Variants in DLG2 observed in about 807,000 individuals in gnomAD.
DLG2 encodes disks large homolog 2.
A neutral mutation model predicts 132.5 loss-of-function variants in DLG2; 45 were observed. That is an observed-to-expected ratio of 0.34 (90% CI 0.27 to 0.44). DLG2 has a LOEUF of 0.44. Ranked by LOEUF, DLG2 falls within the 20% of genes least tolerant of loss-of-function variation. The pLI is 1.00. For missense variants in DLG2, 1,045 were observed against 1,196.9 expected (o/e 0.87, Z 1.87); for synonymous variants, 424 against 419.6 (o/e 1.01, Z -0.13).
Position 83,914,613 on chromosome 11 carries a change from A to T in DLG2, c.1496+15715T>A, listed in dbSNP as rs186494095. ...TTATCCTATGAGATGGATACTTTTT[A>T]AAAAATTCTCATTTTATGGATAAGG... On this transcript the variant is annotated intron_variant, in intron 15 of 27. Coordinates refer to ENST00000376104, the MANE Select transcript of DLG2 (RefSeq NM_001142699.3). Among the ~76,000 whole-genome samples, 113 of 152,294 alleles carry T rather than the reference A, an allele frequency of 7.4e-4. 1 individual carries two copies. Among genetic ancestry groups the T allele is most frequent in the East Asian group, 6.4e-3 (33 of 5,172 alleles).
At chr11:83,915,191 T>A (rs914628694) in intron 15 of DLG2, among the ~76,000 whole-genome samples, 2 of 152,096 alleles carry the variant, frequency 1.3e-5, no homozygotes, top group Non-Finnish European at 2.9e-5. Context: ...AAACAAAGAA[T>A]CTTGGCAACC....
chr11:85,133,335 CT>C (rs2152415320), intron 5 of DLG2, among the ~76,000 whole-genome samples: 1 of 152,246 alleles, frequency 6.6e-6, no homozygotes, highest in South Asian at 2.1e-4. Context: ...AGAATAGCGG[CT>C]TTGGATAATA....
intron 19 of DLG2, among the ~76,000 whole-genome samples, chr11:83,583,675 GTTC>G (rs1184239397): frequency 8.5e-5 from 13 of 152,190 alleles, no homozygotes; most frequent in Non-Finnish European, 1.6e-4. Context: ...ACAAGCCTCA[GTTC>G]TTCTTCTGGA....
chr11:84,888,377 C>T (rs1316271271), intron 6 of DLG2, among the ~76,000 whole-genome samples: 2 of 152,082 alleles, frequency 1.3e-5, no homozygotes, highest in African/African-American at 2.4e-5. Context: ...CTATCTTTTC[C>T]TGCCCTCAGA....
At chr11:84,346,405 T>A (rs1279529647) in intron 7 of DLG2, among the ~76,000 whole-genome samples, 1 of 152,220 alleles carries the variant, frequency 6.6e-6, no homozygotes, top group Non-Finnish European at 1.5e-5. Context: ...TCAGTACATG[T>A]TTATGAAAGT....
chr11:84,094,490 T>A (rs561846746), intron 10 of DLG2, among the ~76,000 whole-genome samples: 3 of 152,330 alleles, frequency 2.0e-5, no homozygotes, highest in East Asian at 3.9e-4. Context: ...GTCAAAAATA[T>A]AATTTATGTC....
chr11:83,542,194 C>A (rs545202442), intron 19 of DLG2, among the ~76,000 whole-genome samples: 1 of 152,004 alleles, frequency 6.6e-6, no homozygotes, highest in African/African-American at 2.4e-5. Flanking sequence ...CCTCCCATTA[C>A]AATCAAATTT....
intron 3 of DLG2, among the ~76,000 whole-genome samples, chr11:85,502,339 C>G (rs1025686850): frequency 6.6e-6 from 1 of 151,672 alleles, no homozygotes; most frequent in Non-Finnish European, 1.5e-5. Flanking sequence ...ATGGGTGCAG[C>G]AAACCACCAC....
At chr11:84,374,738 A>C (rs1445875985) in intron 7 of DLG2, among the ~76,000 whole-genome samples, 1 of 152,076 alleles carries the variant, frequency 6.6e-6, no homozygotes, top group East Asian at 1.9e-4. Flanking sequence ...TTTCCCCCTC[A>C]AACTAAGTAA....
chr11:84,487,390 T>C (rs1206192874), intron 7 of DLG2, among the ~76,000 whole-genome samples: 1 of 152,140 alleles, frequency 6.6e-6, no homozygotes, highest in African/African-American at 2.4e-5. Flanking sequence ...AGAATTAATA[T>C]TTATTGGCAT....
chr11:84,230,176 A>G (rs548252263), intron 8 of DLG2, among the ~76,000 whole-genome samples: 5 of 152,224 alleles, frequency 3.3e-5, no homozygotes, highest in Admixed American at 6.5e-5. Flanking sequence ...AAACTTCTTC[A>G]TCTACCTTTT....
At chr11:85,267,024 C>A (rs910111058) in intron 4 of DLG2, among the ~76,000 whole-genome samples, 8 of 152,156 alleles carry the variant, frequency 5.3e-5, no homozygotes, top group African/African-American at 1.9e-4. Context: ...TTGCATCCAT[C>A]TCTACTTTAG....
chr11:85,546,818 CTTTTTTT>C (rs34822004), intron 3 of DLG2, among the ~76,000 whole-genome samples: 3 of 68,972 alleles, frequency 4.3e-5, no homozygotes, highest in Admixed American at 1.8e-4. Context: ...ATAACCCCTG[CTTTTTTT>C]TTTTTTTTTT....
intron 8 of DLG2, among the ~76,000 whole-genome samples, chr11:84,180,494 T>C (rs1306941212): frequency 6.6e-6 from 1 of 151,922 alleles, no homozygotes; most frequent in Non-Finnish European, 1.5e-5. Context: ...TTCACCCAAA[T>C]TAATGTCAGA....
chr11:84,927,819 A>T lies in DLG2; in HGVS notation c.357+183842T>A, dbSNP rs962709861. The stretch of plus-strand genomic sequence containing the variant: ...TTTCTCTAAAGTCTAGAGCAGTGGT[A>T]CTCAAAGTGCAGTCTTTGGGCTAGG... On this transcript the variant is annotated intron_variant, in intron 6 of 27. Transcript: ENST00000376104. 2.2e-4 allele frequency among the ~76,000 whole-genome samples: 33 copies of T among 152,114 alleles called. 1 individual carries two copies. Among genetic ancestry groups the T allele is most frequent in the Non-Finnish European group, 5.9e-5 (4 of 67,890 alleles).
chr11:84,491,898 T>C (rs987649287), intron 7 of DLG2, among the ~76,000 whole-genome samples: 2 of 152,162 alleles, frequency 1.3e-5, no homozygotes, highest in Non-Finnish European at 2.9e-5. Flanking sequence ...TTTCCCAAGA[T>C]CCACATTCAC....
chr11:85,032,205 C>T (rs1310244323), intron 6 of DLG2, among the ~76,000 whole-genome samples: 1 of 151,998 alleles, frequency 6.6e-6, no homozygotes, highest in Non-Finnish European at 1.5e-5. Flanking sequence ...ATTATTGTCC[C>T]AACAATAATC....
intron 6 of DLG2, among the ~76,000 whole-genome samples, chr11:84,957,204 T>G (rs2051812510): frequency 6.6e-6 from 1 of 152,146 alleles, no homozygotes; most frequent in African/African-American, 2.4e-5. Context: ...AACCTAGACT[T>G]GCTGGCTCCA....
intron 7 of DLG2, among the ~76,000 whole-genome samples, chr11:84,290,702 T>C (rs1245331854): frequency 1.3e-5 from 2 of 152,108 alleles, no homozygotes; most frequent in African/African-American, 4.8e-5. Context: ...GTAACATAAC[T>C]AGGGTCTTAA....
Sources: allele counts gnomAD v4.1 joint callset (sites outside exome capture counted in the v4.1 genomes callset), GRCh38; gene constraint gnomAD v4.1.1; transcripts MANE v1.5; gene names NCBI Gene and HGNC (gene_info 2026-07-23, HGNC 2026-07-21).